Variants in KLHL2 observed in about 807,000 individuals in gnomAD.
The protein encoded by KLHL2 is kelch like family member 2, also known as kelch-like protein 2.
Under a neutral mutation model 75.8 loss-of-function variants are expected in KLHL2, and 15 were observed. The observed-to-expected ratio is 0.20, with a 90% confidence interval of 0.13 to 0.30. The LOEUF is 0.30. Ranked by LOEUF, KLHL2 falls within the 10% of genes least tolerant of loss-of-function variation. The pLI is 1.00. For missense variants in KLHL2, 381 were observed against 741.0 expected (o/e 0.51, Z 5.64); for synonymous variants, 214 against 251.9 (o/e 0.85, Z 1.42).
At chr4:165,249,012 G>A (rs1413791596) in intron 4 of KLHL2, among the ~76,000 whole-genome samples, 2 of 152,184 alleles carry the variant, frequency 1.3e-5, no homozygotes, top group Non-Finnish European at 2.9e-5. Flanking sequence ...ATGACTAATA[G>A]ATGTTGACTG....
chr4:165,210,640 G>A (rs1164702219), intron 1 of KLHL2, among the ~76,000 whole-genome samples: 2 of 152,176 alleles, frequency 1.3e-5, no homozygotes, highest in Non-Finnish European at 2.9e-5. Context: ...ATGTAGCTTA[G>A]TAAAGGAATT....
intron 1 of KLHL2, among the ~76,000 whole-genome samples, chr4:165,208,820 G>C (rs1431006941): frequency 6.6e-6 from 1 of 152,082 alleles, no homozygotes; most frequent in Non-Finnish European, 1.5e-5. Flanking sequence ...CTGAAGAATG[G>C]TTTACCTTTT....
intron 5 of KLHL2, 73 bp from the exon 6 acceptor site, chr4:165,294,286 C>G: frequency 1.2e-6 from 1 of 848,948 alleles, no homozygotes; most frequent in Non-Finnish European, 1.9e-6. Context: ...TAAGAAAAAC[C>G]TTTTTTAAGC....
intron 6 of KLHL2, among the ~76,000 whole-genome samples, chr4:165,296,192 C>T (rs986953561): frequency 3.3e-5 from 5 of 152,210 alleles, no homozygotes; most frequent in African/African-American, 1.2e-4. Context: ...TTCAGTTCTT[C>T]TGCACATGGC....
chr4:165,220,406 A>G (rs902288729), intron 2 of KLHL2, among the ~76,000 whole-genome samples: 1 of 152,116 alleles, frequency 6.6e-6, no homozygotes, highest in African/African-American at 2.4e-5. Flanking sequence ...ATGATAATAT[A>G]CTAGATATTT....
chr4:165,210,230 G>A, intron 1 of KLHL2: 1 of 1,501,398 alleles, frequency 6.7e-7, no homozygotes, highest in Non-Finnish European at 9.1e-7. Flanking sequence ...TTGAATGCCT[G>A]TCTCTGCCTG....
intron 4 of KLHL2, among the ~76,000 whole-genome samples, chr4:165,260,695 G>C (rs1741597888): frequency 6.6e-6 from 1 of 151,948 alleles, no homozygotes; most frequent in African/African-American, 2.4e-5. Flanking sequence ...GACTGCAATT[G>C]AATGGATGAT....
intron 8 of KLHL2, 73 bp downstream of exon 8, chr4:165,299,729 C>A: frequency 7.5e-7 from 1 of 1,332,612 alleles, no homozygotes; most frequent in Non-Finnish European, 1.0e-6. Context: ...GTATTTTGCT[C>A]ATTTGAATTT....
chr4:165,288,506 T>G (rs1744252563), intron 5 of KLHL2, among the ~76,000 whole-genome samples: 1 of 152,192 alleles, frequency 6.6e-6, no homozygotes, highest in African/African-American at 2.4e-5. Flanking sequence ...AAAAAATGCA[T>G]TCTCACATCT....
At chr4:165,241,319 C>A (rs1015379680) in intron 4 of KLHL2, among the ~76,000 whole-genome samples, 2 of 152,184 alleles carry the variant, frequency 1.3e-5, no homozygotes, top group Non-Finnish European at 2.9e-5. Context: ...ATACACCAGA[C>A]TCCTATTTCC....
At chr4:165,284,736 G>A (rs763365829) in intron 5 of KLHL2, among the ~76,000 whole-genome samples, 2 of 152,068 alleles carry the variant, frequency 1.3e-5, no homozygotes, top group Non-Finnish European at 2.9e-5. Context: ...CCAATTTACT[G>A]TACTGGTTCA....
intron 4 of KLHL2, among the ~76,000 whole-genome samples, chr4:165,243,354 C>T (rs1374231229): frequency 1.3e-5 from 2 of 152,202 alleles, no homozygotes; most frequent in Non-Finnish European, 2.9e-5. Flanking sequence ...TGTTAATAAA[C>T]AGTGCCCATG....
rs567681607 is a variant in KLHL2, at chr4:165,319,497, A to G, written c.1753+1528A>G. Reference sequence around the variant, plus strand: ...AATAAATGAATCCAGGGTAGGGATCATTGTAAAAAGGAAAAAGGAAATTCA... The same window carrying G: ...AATAAATGAATCCAGGGTAGGGATCGTTGTAAAAAGGAAAAAGGAAATTCA... On this transcript the variant is annotated intron_variant, in intron 14 of 14. Transcript: ENST00000226725. This position sits in a 1 kb window ranked among gnomAD's most constrained non-coding sequence, Gnocchi z 4.5. Among the ~76,000 whole-genome samples, 77 of 152,262 alleles carry G rather than the reference A, an allele frequency of 5.1e-4. No homozygotes were observed. The highest frequency in any genetic ancestry group is 2.5e-3 in the South Asian group (12 of 4,832).
chr4:165,317,815 A>G lies in KLHL2; in HGVS notation c.1610-11A>G. 6.2e-7 allele frequency: 1 copy of G among 1,603,918 alleles called. No homozygotes were observed. The highest frequency in any genetic ancestry group is 8.5e-7 in the Non-Finnish European group (1 of 1,174,598). ...TTTAAATAATTGTTTTCTCTCTGTAATTTTTTAAAGGAGTTTGTGCAGTTA... is the reference window on the plus strand; with the variant it reads ...TTTAAATAATTGTTTTCTCTCTGTAGTTTTTTAAAGGAGTTTGTGCAGTTA... On this transcript the variant is annotated splice_polypyrimidine_tract_variant and intron_variant, in intron 13 of 14. Transcript: ENST00000226725.
intron 3 of KLHL2, 92 bp downstream of exon 3, chr4:165,229,005 T>G (rs1274971153): frequency 1.5e-6 from 1 of 679,570 alleles, no homozygotes; most frequent in Non-Finnish European, 2.5e-6. Context: ...ACATTTTACT[T>G]TTATGAAATG....
rs906685697 is a variant in KLHL2 at position 165,207,872 on chromosome 4, C to T, written c.-5C>T. 6.9e-6 allele frequency: 10 copies of T among 1,449,342 alleles called. No individual in the cohort carries two copies. The African/African-American group carries it at 1.5e-4, about 22-fold the overall frequency. The allele number at this position is 1,449,342 out of a possible 1,614,324, so 89.8% of individuals were successfully genotyped here. On this transcript the variant is annotated 5_prime_UTR_variant, in exon 1 of 15. Coordinates refer to ENST00000226725, the MANE Select transcript of KLHL2 (RefSeq NM_007246.4). The surrounding 1 kb of genome is among the most constrained non-coding windows in gnomAD (Gnocchi z 4.2). The stretch of plus-strand genomic sequence containing the variant: ...CCTGCGTTCTGAAGCCCGAGAGGAG[C>T]CACAATGGAGACGCCGCCGCTGCCT...
chr4:165,318,865 T>A (rs746986734), intron 14 of KLHL2, among the ~76,000 whole-genome samples: 1 of 151,870 alleles, frequency 6.6e-6, no homozygotes, highest in Non-Finnish European at 1.5e-5. Context: ...ATTGAAAAAA[T>A]TAAGTTTAAG....
At chr4:165,221,324 C>T (rs1737972477) in intron 2 of KLHL2, among the ~76,000 whole-genome samples, 1 of 152,126 alleles carries the variant, frequency 6.6e-6, no homozygotes, top group Non-Finnish European at 1.5e-5. Context: ...TCAGGAAAGG[C>T]TTTCTTGAGA....
chr4:165,242,876 G>A (rs1739935100), intron 4 of KLHL2, among the ~76,000 whole-genome samples: 2 of 152,126 alleles, frequency 1.3e-5, no homozygotes, highest in African/African-American at 4.8e-5. Context: ...ATGTATGAAG[G>A]ATTTTCACAT....
Sources: gnomAD v4.1 joint callset for allele counts (sites outside exome capture counted in the v4.1 genomes callset) on GRCh38, gnomAD v4.1.1 for gene constraint, Gnocchi (gnomAD v3.1) non-coding constraint, MANE v1.5 for transcripts, NCBI Gene and HGNC (gene_info 2026-07-23, HGNC 2026-07-21) for gene names.